Variants in MKNK2 observed in about 807,000 individuals in gnomAD.
MKNK2 encodes the protein MAPK interacting serine/threonine kinase 2.
Under a neutral mutation model 55.0 loss-of-function variants are expected in MKNK2, and 54 were observed. That is an observed-to-expected ratio of 0.98 (90% CI 0.79 to 1.23). The LOEUF is 1.23. MKNK2 is among the 50% of genes most tolerant of loss of function. The pLI, the probability that MKNK2 is intolerant of heterozygous loss-of-function variation, is 0.00. For missense variants in MKNK2, 685 were observed against 632.1 expected (o/e 1.08, Z -0.90); for synonymous variants, 323 against 256.0 (o/e 1.26, Z -2.50).
rs1245017101 is a variant in MKNK2, at chr19:2,039,272, C to A, written c.*341G>T. On this transcript the variant is annotated 3_prime_UTR_variant, in exon 14 of 14. Transcript: ENST00000250896. Reference sequence around the variant, plus strand: ...CACTGCAAGCCACGTGGGCAGATGGCGGGCAGCACAGGTGACCTGGGGGCA... The same window carrying A: ...CACTGCAAGCCACGTGGGCAGATGGAGGGCAGCACAGGTGACCTGGGGGCA... The A allele has an allele frequency of 5.2e-6, 6 of 1,152,062 alleles. No individual in the cohort carries two copies. Among genetic ancestry groups the A allele is most frequent in the Non-Finnish European group, 6.4e-6 (6 of 931,960 alleles). 71.4% of individuals were successfully genotyped at this position (1,152,062 alleles called of 1,614,324 possible). A position where few individuals can be genotyped will look rare whatever the true frequency, so the allele number is the denominator to read the frequency against.
At chr19:2,040,682 A>G (rs2145683952) in intron 12 of MKNK2, 1 of 330,288 alleles carries the variant, frequency 3.0e-6, no homozygotes, top group East Asian at 6.0e-5. Context: ...CCACACAGGG[A>G]AGGGTGGAGG....
At chr19:2,042,690 G>A (rs1184764971) in intron 8 of MKNK2, 28 bp from the exon 9 acceptor site, 10 of 1,556,554 alleles carry the variant, frequency 6.4e-6, no homozygotes, top group East Asian at 2.4e-5. Context: ...GAACCACGAC[G>A]GGGTGAGGGT....
chr19:2,042,873 G>T lies in MKNK2; in HGVS notation c.494-3C>A. The stretch of plus-strand genomic sequence containing the variant: ...GTGGATGTGGCTCAGGATGGAGCCT[G>T]GGCAGGGCAGGGCAGGGCAGGACAG... On this transcript the variant is annotated splice_polypyrimidine_tract_variant and splice_region_variant and intron_variant, in intron 7 of 13. Transcript: ENST00000250896. 6.4e-7 allele frequency: 1 copy of T among 1,554,802 alleles called. No homozygotes were observed.
intron 12 of MKNK2, 152 bp from the exon 13 acceptor site, chr19:2,040,329 C>T (rs944037792): frequency 6.1e-6 from 4 of 658,656 alleles, no homozygotes; most frequent in South Asian, 2.0e-5. Context: ...GGGAGCCAAG[C>T]GCCCACCCCG....
rs139155366 is a variant in MKNK2 at position 2,042,840 on chromosome 19, C to T, written c.524G>A (p.Arg175Gln). 1.6e-5 allele frequency: 25 copies of T among 1,573,270 alleles called. No individual in the cohort carries two copies. Among genetic ancestry groups the T allele is most frequent in the Middle Eastern group, 3.3e-4 (2 of 6,000 alleles). Residue 175 changes from arginine to glutamine, a missense_variant, in exon 8 of 14, where the codon CGG becomes CAG. Coordinates refer to ENST00000250896, the MANE Select transcript of MKNK2 (RefSeq NM_199054.3). ...GCTGGCCTCCAGCTCGTTGAAGTGCCGGCGCTTGTGGATGTGGCTCAGGAT... is the reference window on the plus strand; with the variant it reads ...GCTGGCCTCCAGCTCGTTGAAGTGCTGGCGCTTGTGGATGTGGCTCAGGAT... Reference protein sequence around the residue: ...GSILSHIHKRRHFNELEASVV... With the variant: ...GSILSHIHKRQHFNELEASVV...
chr19:2,041,861 G>C lies in MKNK2; in HGVS notation c.924C>G (p.Gly308=). The C allele has an allele frequency of 2.0e-6, 3 of 1,534,660 alleles. No individual in the cohort carries two copies. The highest frequency in any genetic ancestry group is 2.5e-5 in the East Asian group (1 of 39,828). ...RCGSDCGWDR[G]EACPACQNML... is the part of the protein sequence containing the mutation. ...GCACCTGGCAGGCAGGGCAGGCCTC[G>C]CCGCGGTCCCAGCCGCAGTCGCTGC... The change falls in exon 11 of 14, where the codon GGC becomes GGG. Residue 308 remains glycine (G), a synonymous_variant. Transcript: ENST00000250896.
rs540925190 is a variant in MKNK2, at chr19:2,040,982, T to G, written c.1110+58A>C. ...CCCTCAGGGCTTCCCATGCTCGCTC[T>G]GAGGCCACCCTGCAGCGCCCCCATA... On this transcript the variant is annotated intron_variant, in intron 12 of 13. Transcript: ENST00000250896. 1,323 of 1,569,542 alleles carry G rather than the reference T, an allele frequency of 8.4e-4. 2 individuals are homozygous for G. Among genetic ancestry groups the G allele is most frequent in the Non-Finnish European group, 1.0e-3 (1,168 of 1,142,696 alleles).
intron 12 of MKNK2, chr19:2,040,779 G>A: frequency 5.7e-6 from 3 of 528,710 alleles, no homozygotes; most frequent in South Asian, 4.4e-5. Context: ...GCCTGCTGCA[G>A]GCTGTGGGTC....
rs1052201657 is a variant in MKNK2 at position 2,038,795 on chromosome 19, C to A, written c.*818G>T. The stretch of plus-strand genomic sequence containing the variant: ...GCCTGTCCAGCCCCTCTGCCTGCTG[C>A]GGTGGAAACGGCTTCGGGCCAGGCG... On this transcript the variant is annotated 3_prime_UTR_variant, in exon 14 of 14. Transcript: ENST00000250896. 1.0e-6 allele frequency: 1 copy of A among 985,610 alleles called. No individual in the cohort carries two copies. The highest frequency in any genetic ancestry group is 1.2e-6 in the Non-Finnish European group (1 of 829,916). 61.1% of individuals were successfully genotyped at this position (985,610 alleles called of 1,614,324 possible).
chr19:2,040,575 C>T (rs757614880), intron 12 of MKNK2: 6 of 280,784 alleles, frequency 2.1e-5, no homozygotes, highest in Non-Finnish European at 4.1e-5. Flanking sequence ...AGAGTGACCC[C>T]AGCTTCTATT....
intron 10 of MKNK2, 66 bp downstream of exon 10, chr19:2,042,361 G>A (rs2016907404): frequency 7.1e-7 from 1 of 1,404,102 alleles, no homozygotes; most frequent in African/African-American, 1.4e-5. Flanking sequence ...GATGGCCCAG[G>A]CTCCGCGAGG....
At chr19:2,040,051 T>C in intron 13 of MKNK2, 83 bp downstream of exon 13, 5 of 1,474,760 alleles carry the variant, frequency 3.4e-6, no homozygotes, top group Non-Finnish European at 4.7e-6. Flanking sequence ...CCCAAAGCAG[T>C]TCTCCGGGTC....
Position 2,050,873 on chromosome 19 carries a change from CG to C in MKNK2, c.-23del, listed in dbSNP as rs2017102907. On this transcript the variant is annotated 5_prime_UTR_variant, in exon 2 of 14. Transcript: ENST00000250896. ...CCATCTTCTGTCCGGGCCCCGCCAG[CG>C]GGGGAGGGGACCGAGGGCCCGGGGG... is the stretch of plus-strand genomic sequence containing the variant. The C allele has an allele frequency of 4.7e-6, 7 of 1,504,686 alleles. No individual in the cohort carries two copies. The highest frequency in any genetic ancestry group is 5.3e-6 in the Non-Finnish European group (6 of 1,126,752). 93.2% of individuals were successfully genotyped at this position (1,504,686 alleles called of 1,614,324 possible).
chr19:2,041,710 G>A (rs2016886901), intron 11 of MKNK2, 130 bp downstream of exon 11: 1 of 688,284 alleles, frequency 1.5e-6, no homozygotes, highest in Non-Finnish European at 2.3e-6. Flanking sequence ...CGAGGGTTAG[G>A]GGGTGGTCAG....
At chr19:2,046,574 C>T in intron 3 of MKNK2, 30 bp downstream of exon 3, 1 of 1,556,108 alleles carries the variant, frequency 6.4e-7, no homozygotes, top group South Asian at 1.2e-5. Flanking sequence ...AGCAGCTGCC[C>T]TGTGCCCTCC....
At chr19:2,047,255 C>T (rs547400056) in intron 2 of MKNK2, among the ~76,000 whole-genome samples, 38 of 152,260 alleles carry the variant, frequency 2.5e-4, no homozygotes, top group Admixed American at 8.5e-4. Context: ...TGGGGGAGCT[C>T]CTGGCACGGA....
At chr19:2,042,549 C>G in intron 9 of MKNK2, 27 bp from the exon 10 acceptor site, 4 of 1,582,472 alleles carry the variant, frequency 2.5e-6, no homozygotes, top group Non-Finnish European at 3.4e-6. Context: ...GGTCCGTGAG[C>G]CTGGGGTCCC....
intron 11 of MKNK2, among the ~76,000 whole-genome samples, chr19:2,041,530 G>T (rs953060530): frequency 1.3e-5 from 2 of 152,134 alleles, no homozygotes; most frequent in African/African-American, 4.8e-5. Context: ...ACCCTGTCTG[G>T]GGTTTCCCTT....
chr19:2,042,594 G>A lies in MKNK2; in HGVS notation c.654+13C>T, dbSNP rs377249507. On this transcript the variant is annotated intron_variant, in intron 9 of 13. Transcript: ENST00000250896. Reference sequence around the variant, plus strand: ...ACCCCTCCCGCGGGGCCACCCTGCCGGAACTGGCCTACCTGGTTGGGGTGC... The same window carrying A: ...ACCCCTCCCGCGGGGCCACCCTGCCAGAACTGGCCTACCTGGTTGGGGTGC... 56 of 1,567,982 alleles carry A rather than the reference G, an allele frequency of 3.6e-5. No individual in the cohort carries two copies. The highest frequency in any genetic ancestry group is 3.3e-4 in the South Asian group (28 of 85,312).
Sources: allele counts gnomAD v4.1 joint callset (sites outside exome capture counted in the v4.1 genomes callset), GRCh38; gene constraint gnomAD v4.1.1; transcripts MANE v1.5; gene names NCBI Gene and HGNC (gene_info 2026-07-23, HGNC 2026-07-21).